ERO1A: variants seen among roughly 807,000 people sequenced by gnomAD.
ERO1A encodes endoplasmic reticulum oxidoreductase 1 alpha.
In ERO1A, 49 loss-of-function variants were observed where a neutral mutation model predicts 76.9. The ratio of observed to expected loss-of-function variants is 0.64; its 90% CI spans 0.51 to 0.81. ERO1A has a LOEUF of 0.81. ERO1A is among the 30% of genes least tolerant of loss of function. ERO1A has a pLI of 0.00. For synonymous variants in ERO1A, 174 were observed against 181.2 expected, an observed-to-expected ratio of 0.96 and a Z score of 0.32; for missense variants, 448 against 542.1, an observed-to-expected ratio of 0.83 and a Z score of 1.72.
rs547233733 is a variant in ERO1A at position 52,648,682 on chromosome 14, A to G, written c.1126-2221T>C. Among the ~76,000 whole-genome samples the G allele has an allele frequency of 2.6e-5, 4 of 152,312 alleles. No individual in the cohort carries two copies. In the South Asian group the frequency reaches 8.3e-4, roughly 32 times the overall value. On this transcript the variant is annotated intron_variant, in intron 13 of 15. Coordinates refer to ENST00000395686, the MANE Select transcript of ERO1A (RefSeq NM_014584.3). The stretch of plus-strand genomic sequence containing the variant: ...AAGTTCCTGAGTATAAGAGACTCCC[A>G]TACTTGTGAGAGTTGGAAGCCTCTG...
intron 1 of ERO1A, among the ~76,000 whole-genome samples, chr14:52,689,628 A>T (rs2041290953): frequency 6.6e-6 from 1 of 152,192 alleles, no homozygotes; most frequent in African/African-American, 2.4e-5. Flanking sequence ...GATTAAAAAA[A>T]CTGAAGATTA....
intron 1 of ERO1A, among the ~76,000 whole-genome samples, chr14:52,684,150 C>CAG (rs797002566): frequency 1.4e-4 from 19 of 139,384 alleles, no homozygotes; most frequent in South Asian, 9.2e-4. Flanking sequence ...CACACACACA[C>CAG]AGAGAGAGTT....
chr14:52,682,083 T>G (rs2041013801), intron 3 of ERO1A, among the ~76,000 whole-genome samples: 1 of 152,122 alleles, frequency 6.6e-6, no homozygotes, highest in Non-Finnish European at 1.5e-5. Flanking sequence ...TATTTTAGTT[T>G]TATTGGCTGC....
chr14:52,671,611 A>G lies in ERO1A; in HGVS notation c.508+19T>C. 6.4e-7 allele frequency: 1 copy of G among 1,560,938 alleles called. No individual in the cohort carries two copies. The highest frequency in any genetic ancestry group is 8.8e-7 in the Non-Finnish European group (1 of 1,142,048). ...AGGTATAATTTTAAACACAATGCAT[A>G]CTATCAAAAATATTATACCATCAGC... On this transcript the variant is annotated intron_variant, in intron 6 of 15. Transcript: ENST00000395686.
At chr14:52,644,231 A>T (rs2039568294) in intron 15 of ERO1A, among the ~76,000 whole-genome samples, 1 of 152,140 alleles carries the variant, frequency 6.6e-6, no homozygotes, top group South Asian at 2.1e-4. Context: ...AGGCGAGCAG[A>T]CCACTTGAGT....
intron 1 of ERO1A, among the ~76,000 whole-genome samples, chr14:52,685,181 A>G (rs1012384107): frequency 6.6e-6 from 1 of 152,186 alleles, no homozygotes; most frequent in Non-Finnish European, 1.5e-5. Flanking sequence ...GAATATCACA[A>G]AAGAGTAATG....
intron 8 of ERO1A, 75 bp downstream of exon 8, chr14:52,663,726 A>T (rs1481937349): frequency 1.1e-6 from 1 of 876,096 alleles, no homozygotes; most frequent in African/African-American, 1.7e-5. Context: ...ACTGTCATTT[A>T]TCTTGCCTTC....
chr14:52,684,150 C>CACACACACAGAG (rs879218530), intron 1 of ERO1A, among the ~76,000 whole-genome samples: 4 of 139,390 alleles, frequency 2.9e-5, no homozygotes, highest in East Asian at 2.0e-4. Flanking sequence ...CACACACACA[C>CACACACACAGAG]AGAGAGAGTT....
chr14:52,677,467 G>A (rs1252584744), intron 4 of ERO1A, among the ~76,000 whole-genome samples: 1 of 152,088 alleles, frequency 6.6e-6, no homozygotes, highest in Non-Finnish European at 1.5e-5. Flanking sequence ...AAGAAAGACT[G>A]GGAAACTGTT....
In ERO1A at chr14:52,643,390, T is replaced by C. The variant is rs1323586914; in HGVS notation, c.*180A>G. The C allele has an allele frequency of 2.1e-6, 1 of 468,178 alleles. No homozygotes were observed. Among genetic ancestry groups the C allele is most frequent in the Non-Finnish European group, 3.7e-6 (1 of 266,828 alleles). 29.0% of individuals were successfully genotyped at this position (468,178 alleles called of 1,614,324 possible). On this transcript the variant is annotated 3_prime_UTR_variant, in exon 16 of 16. Transcript: ENST00000395686. ...ATTACTTTTACTCACAGTAGTATTA[T>C]ACATAGACTTAACACAATTTTTAAA...
chr14:52,666,159 A>G (rs2040403093), intron 7 of ERO1A, among the ~76,000 whole-genome samples: 1 of 152,224 alleles, frequency 6.6e-6, no homozygotes, highest in Non-Finnish European at 1.5e-5. Context: ...AGGGCCTACA[A>G]TACTCCCATA....
intron 9 of ERO1A, among the ~76,000 whole-genome samples, chr14:52,658,798 T>G (rs1392334155): frequency 6.6e-6 from 1 of 152,010 alleles, no homozygotes; most frequent in African/African-American, 2.4e-5. Context: ...ACTATGAAAA[T>G]AGCAAGAATG....
chr14:52,689,589 G>A (rs771475591), intron 1 of ERO1A, among the ~76,000 whole-genome samples: 19 of 152,024 alleles, frequency 1.2e-4, no homozygotes, highest in Admixed American at 2.6e-4. Context: ...GGAGAGGAAC[G>A]ATCAGTATGC....
intron 11 of ERO1A, among the ~76,000 whole-genome samples, chr14:52,656,452 T>C (rs1050760569): frequency 6.6e-6 from 1 of 152,196 alleles, no homozygotes; most frequent in African/African-American, 2.4e-5. Context: ...GGCTGAAGCC[T>C]GTAATCCCAG....
chr14:52,692,959 C>T (rs1189426982), intron 1 of ERO1A, among the ~76,000 whole-genome samples: 2 of 142,568 alleles, frequency 1.4e-5, no homozygotes, highest in Non-Finnish European at 3.0e-5. Flanking sequence ...TATTGTTTCA[C>T]TTATAGAATT....
Position 52,654,290 on chromosome 14 carries a change from T to C in ERO1A, c.809-975A>G, listed in dbSNP as rs559753415. 2.6e-5 allele frequency among the ~76,000 whole-genome samples: 4 copies of C among 152,266 alleles called. No individual in the cohort carries two copies. The East Asian group carries it at 7.7e-4, about 29-fold the overall frequency. On this transcript the variant is annotated intron_variant, in intron 11 of 15. Transcript: ENST00000395686. ...AGCTGGTCATGACTAATAAGAATGA[T>C]TTTTATAAAATATAGTAGTGCACAC...
rs1235729026 is a variant in ERO1A at position 52,668,777 on chromosome 14, T to TATAATTATAATTATAATTATACA, written c.509-2305_509-2283dup. On this transcript the variant is annotated intron_variant, in intron 6 of 15. Coordinates refer to ENST00000395686, the MANE Select transcript of ERO1A (RefSeq NM_014584.3). Reference sequence around the variant, plus strand: ...TATATTACAAATCTTATAATTATACTATAATTATAATTATAATTATACAAT... The same window carrying TATAATTATAATTATAATTATACA: ...TATATTACAAATCTTATAATTATACTATAATTATAATTATAATTATACAATAATTATAATTATAATTATACAAT... Among the ~76,000 whole-genome samples, 23 of 146,222 alleles carry TATAATTATAATTATAATTATACA rather than the reference T, an allele frequency of 1.6e-4. No homozygotes were observed. In the South Asian group the frequency reaches 3.6e-3, roughly 23 times the overall value.
At position 52,653,125 on chromosome 14, in the gene ERO1A, AT is replaced by A; in HGVS notation, c.998del (p.Asn333IlefsTer42). On this transcript the variant is annotated frameshift_variant, in exon 12 of 16. Transcript: ENST00000395686. LOFTEE classifies it high-confidence loss of function. ...TTTTGTTTTCCTCATCCTGAATTTT[AT>A]TTCCAGTAAAGAGTTGAAAATCTGG... ...ERPDFQLFTG[N>X]KIQDEENKML... 1 of 1,605,578 alleles carries A rather than the reference AT, an allele frequency of 6.2e-7. No individual in the cohort carries two copies. The highest frequency in any genetic ancestry group is 8.5e-7 in the Non-Finnish European group (1 of 1,172,438).
At chr14:52,653,984 A>G (rs2039961633) in intron 11 of ERO1A, among the ~76,000 whole-genome samples, 1 of 152,152 alleles carries the variant, frequency 6.6e-6, no homozygotes, top group Non-Finnish European at 1.5e-5. Flanking sequence ...TTGGGTGAGT[A>G]TGAGTTTATA....
Sources: gnomAD v4.1 joint callset for allele counts (sites outside exome capture counted in the v4.1 genomes callset) on GRCh38, gnomAD v4.1.1 for gene constraint, MANE v1.5 for transcripts, NCBI Gene and HGNC (gene_info 2026-07-23, HGNC 2026-07-21) for gene names.